Variants in CBL observed in about 807,000 individuals in gnomAD.
The protein encoded by CBL is E3 ubiquitin-protein ligase CBL.
Under a neutral mutation model 96.9 loss-of-function variants are expected in CBL, and 45 were observed. The ratio of observed to expected loss-of-function variants is 0.46; its 90% CI spans 0.37 to 0.60. The LOEUF (loss-of-function observed/expected upper bound fraction) is 0.60, where lower values mean the gene tolerates loss of function less well. Ranked by LOEUF, CBL falls within the 20% of genes least tolerant of loss-of-function variation. The pLI is 0.00. For missense variants in CBL, 1,024 were observed against 1,143.5 expected (o/e 0.90, Z 1.51); for synonymous variants, 420 against 426.8 (o/e 0.98, Z 0.20).
intron 8 of CBL, 53 bp from the exon 9 acceptor site, chr11:119,278,454 TTAA>T (rs1949907166): frequency 6.4e-7 from 1 of 1,552,096 alleles, no homozygotes; most frequent in Admixed American, 1.7e-5. Context: ...TTCTAGTAGA[TTAA>T]TATTTTAAGT....
chr11:119,277,343 G>C (rs940029793), intron 6 of CBL, among the ~76,000 whole-genome samples: 4 of 151,784 alleles, frequency 2.6e-5, no homozygotes, highest in African/African-American at 9.7e-5. Context: ...TGGGCCACCT[G>C]TTTGTTCCCC....
chr11:119,303,010 TG>T lies in CBL; in HGVS notation c.*3231del, dbSNP rs1170408735. 2.6e-5 allele frequency: 6 copies of T among 228,984 alleles called. No individual in the cohort carries two copies. The highest frequency in any genetic ancestry group is 5.2e-5 in the Non-Finnish European group (6 of 115,378). The allele number at this position is 228,984 out of a possible 1,614,324, so 14.2% of individuals were successfully genotyped here. A position where few individuals can be genotyped will look rare whatever the true frequency, so the allele number is the denominator to read the frequency against. Reference sequence around the variant, plus strand: ...CTATTTTGTAGATTTAAAAGATTTCTGGTTAAGGGAGGTGGGGGTCACTGTT... The same window carrying T: ...CTATTTTGTAGATTTAAAAGATTTCTGTTAAGGGAGGTGGGGGTCACTGTT... On this transcript the variant is annotated 3_prime_UTR_variant, in exon 16 of 16. Transcript: ENST00000264033.
At chr11:119,278,085 C>T (rs2135303299) in intron 7 of CBL, 81 bp from the exon 8 acceptor site, 1 of 1,216,940 alleles carries the variant, frequency 8.2e-7, no homozygotes, top group Admixed American at 2.1e-5. Flanking sequence ...GTATAGGAAA[C>T]AAGTCTTCAC....
chr11:119,257,812 T>C (rs1949722426), intron 2 of CBL, among the ~76,000 whole-genome samples: 1 of 152,202 alleles, frequency 6.6e-6, no homozygotes, highest in South Asian at 2.1e-4. Flanking sequence ...GGTGTGTCCT[T>C]TCCCTAATTC....
intron 2 of CBL, among the ~76,000 whole-genome samples, chr11:119,244,535 A>T (rs1949610249): frequency 6.7e-6 from 1 of 149,844 alleles, no homozygotes; most frequent in Non-Finnish European, 1.5e-5. Context: ...CTCCCACCTC[A>T]GCCTCCTGAG....
At chr11:119,236,220 G>C (rs1273831287) in intron 2 of CBL, among the ~76,000 whole-genome samples, 2 of 151,986 alleles carry the variant, frequency 1.3e-5, no homozygotes, top group African/African-American at 2.4e-5. Flanking sequence ...GTCACTCTTT[G>C]TTCCTCTCTC....
At position 119,302,025 on chromosome 11, in the gene CBL, G is replaced by A. The variant is rs1713878135; in HGVS notation, c.*2244G>A. 8.6e-6 allele frequency: 2 copies of A among 232,960 alleles called. No individual in the cohort carries two copies. Among genetic ancestry groups the A allele is most frequent in the Non-Finnish European group, 1.7e-5 (2 of 117,896 alleles). 14.4% of individuals were successfully genotyped at this position (232,960 alleles called of 1,614,324 possible). A position where few individuals can be genotyped will look rare whatever the true frequency, so the allele number is the denominator to read the frequency against. ...GCTATATATCTTTTGCCTTTTCCAT[G>A]CATCTAAATCTTCTCTGGAGATTAT... On this transcript the variant is annotated 3_prime_UTR_variant, in exon 16 of 16. Transcript: ENST00000264033.
chr11:119,303,483 T>C lies in CBL; in HGVS notation c.*3702T>C, dbSNP rs987723123. 4.3e-6 allele frequency: 1 copy of C among 233,590 alleles called. No homozygotes were observed. Among genetic ancestry groups the C allele is most frequent in the African/African-American group, 2.2e-5 (1 of 45,354 alleles). The allele number at this position is 233,590 out of a possible 1,614,324, so 14.5% of individuals were successfully genotyped here. A position where few individuals can be genotyped will look rare whatever the true frequency, so the allele number is the denominator to read the frequency against. On this transcript the variant is annotated 3_prime_UTR_variant, in exon 16 of 16. Coordinates refer to ENST00000264033, the MANE Select transcript of CBL (RefSeq NM_005188.4). ...TGTTTGGGGGATTGTACTTGGACTG[T>C]CATAGCCTCTGCGTTTGACCTTAAA...
At chr11:119,229,731 GTT>G (rs11297311) in intron 1 of CBL, among the ~76,000 whole-genome samples, 4 of 147,472 alleles carry the variant, frequency 2.7e-5, no homozygotes, top group East Asian at 2.0e-4. Context: ...GTTGTGTTTT[GTT>G]TTTTTTTTTT....
intron 11 of CBL, 69 bp from the exon 12 acceptor site, chr11:119,287,783 G>T: frequency 2.1e-6 from 2 of 974,886 alleles, no homozygotes; most frequent in Non-Finnish European, 1.7e-6. Flanking sequence ...ATTTTGAAAA[G>T]GTTCAATAAG....
chr11:119,290,903 C>A (rs1950022356), intron 12 of CBL, among the ~76,000 whole-genome samples: 1 of 151,922 alleles, frequency 6.6e-6, no homozygotes, highest in African/African-American at 2.4e-5. Context: ...GTCTCGAACT[C>A]CTGACTTCAA....
At chr11:119,259,539 CTTT>C (rs35450683) in intron 2 of CBL, among the ~76,000 whole-genome samples, 2,271 of 152,140 alleles carry the variant, frequency 0.015, 49 homozygotes, top group African/African-American at 0.051. Flanking sequence ...ATACTATTTA[CTTT>C]TGCATAGGGG....
At chr11:119,285,589 T>A (rs899533130) in intron 11 of CBL, 23 bp downstream of exon 11, 22 of 1,611,636 alleles carry the variant, frequency 1.4e-5, no homozygotes, top group Middle Eastern at 1.6e-4. Context: ...TTTGAAACTA[T>A]CTAACCTGTT....
chr11:119,238,829 T>C (rs1345667576), intron 2 of CBL, among the ~76,000 whole-genome samples: 4 of 152,184 alleles, frequency 2.6e-5, no homozygotes, highest in Non-Finnish European at 4.4e-5. Context: ...AGAGTTCATC[T>C]CAAGTAAACA....
At position 119,301,315 on chromosome 11, in the gene CBL, G is replaced by C. The variant is rs1272642587; in HGVS notation, c.*1534G>C. 8.6e-6 allele frequency: 2 copies of C among 233,154 alleles called. No homozygotes were observed. The highest frequency in any genetic ancestry group is 1.7e-5 in the Non-Finnish European group (2 of 118,048). 14.4% of individuals were successfully genotyped at this position (233,154 alleles called of 1,614,324 possible). On this transcript the variant is annotated 3_prime_UTR_variant, in exon 16 of 16. Coordinates refer to ENST00000264033, the MANE Select transcript of CBL (RefSeq NM_005188.4). ...TAAAGAGAATTGAGGGTCCAGTTGG[G>C]AGAACTATTAGTCAGTTCTTTTATA...
chr11:119,249,280 G>A (rs1039527806), intron 2 of CBL, among the ~76,000 whole-genome samples: 1 of 152,158 alleles, frequency 6.6e-6, no homozygotes, highest in Non-Finnish European at 1.5e-5. Context: ...TTTCGACTGG[G>A]CGTGGAGGTT....
intron 9 of CBL, among the ~76,000 whole-genome samples, chr11:119,283,873 G>A (rs1017668720): frequency 4.6e-5 from 7 of 151,712 alleles, no homozygotes; most frequent in African/African-American, 1.7e-4. Context: ...TCCTGACCTC[G>A]TGATCCACCC....
chr11:119,247,972 A>G (rs1949644876), intron 2 of CBL, among the ~76,000 whole-genome samples: 1 of 152,234 alleles, frequency 6.6e-6, no homozygotes, highest in Non-Finnish European at 1.5e-5. Context: ...GCTGAAAGAA[A>G]CTAAAGAAGA....
rs545925750 is a variant in CBL, at chr11:119,295,653, G to A, written c.2037-1265G>A. ...GAGTTGGGAGGATCACTTGAGCCCG[G>A]GAGATCAAGGCTGCAGTGGGTTGTC... On this transcript the variant is annotated intron_variant, in intron 12 of 15. Coordinates refer to ENST00000264033, the MANE Select transcript of CBL (RefSeq NM_005188.4). Among the ~76,000 whole-genome samples the A allele has an allele frequency of 4.6e-5, 7 of 152,232 alleles. No homozygotes were observed. In the East Asian group the frequency reaches 1.3e-3, roughly 29 times the overall value.
Sources: gnomAD v4.1 joint callset for allele counts (sites outside exome capture counted in the v4.1 genomes callset) on GRCh38, gnomAD v4.1.1 for gene constraint, MANE v1.5 for transcripts, NCBI Gene and HGNC (gene_info 2026-07-23, HGNC 2026-07-21) for gene names.